Variants in MBTPS1 observed in about 807,000 individuals in gnomAD.
MBTPS1 encodes membrane-bound transcription factor site-1 protease.
Under a neutral mutation model 127.8 loss-of-function variants are expected in MBTPS1, and 94 were observed. The ratio of observed to expected loss-of-function variants is 0.74; its 90% CI spans 0.62 to 0.87. MBTPS1 has a LOEUF of 0.87. Ranked by LOEUF, MBTPS1 falls within the 40% of genes least tolerant of loss-of-function variation. MBTPS1 has a pLI of 0.00. For missense variants in MBTPS1, 1,636 were observed against 1,353.2 expected (o/e 1.21, Z -3.28); for synonymous variants, 632 against 509.4 (o/e 1.24, Z -3.24).
At chr16:84,059,598 T>C (rs1367946982) in intron 20 of MBTPS1, 170 bp from the exon 21 acceptor site, 2 of 548,834 alleles carry the variant, frequency 3.6e-6, no homozygotes, top group East Asian at 6.4e-5. Context: ...GCCTGATTGG[T>C]TCCTCCCGGA....
At chr16:84,094,886 G>C (rs1403979825) in intron 4 of MBTPS1, among the ~76,000 whole-genome samples, 1 of 152,160 alleles carries the variant, frequency 6.6e-6, no homozygotes, top group African/African-American at 2.4e-5. Context: ...AGAGGTAAGG[G>C]TCCCTAAGTC....
At chr16:84,079,298 G>T (rs1291912023) in intron 11 of MBTPS1, among the ~76,000 whole-genome samples, 2 of 152,116 alleles carry the variant, frequency 1.3e-5, no homozygotes, top group Non-Finnish European at 1.5e-5. Flanking sequence ...CCAGTCTCAG[G>T]TATTTTTTTA....
At chr16:84,097,982 C>T (rs1163553317) in intron 3 of MBTPS1, among the ~76,000 whole-genome samples, 1 of 151,512 alleles carries the variant, frequency 6.6e-6, no homozygotes, top group Non-Finnish European at 1.5e-5. Flanking sequence ...AAGAAATGAT[C>T]GTAAATAATA....
intron 9 of MBTPS1, among the ~76,000 whole-genome samples, 184 bp from the exon 10 acceptor site, chr16:84,085,318 A>G (rs2086004607): frequency 6.6e-6 from 1 of 152,146 alleles, no homozygotes; most frequent in South Asian, 2.1e-4. Context: ...TGTAATCCCA[A>G]CACTCTGGGA....
chr16:84,095,671 G>T lies in MBTPS1; in HGVS notation c.556C>A (p.Leu186Met). ...GCAACCTGGCGCGGGATGGCTCTCA[G>T]CAGCCGTCTGCTCGAATGCCTTCCC... ...ATGRHSSRRL[L>M]RAIPRQVAQT... Residue 186 changes from leucine (L) to methionine (M), a missense_variant, in exon 4 of 23, where the codon CTG (leucine) becomes ATG (methionine). Physicochemically the swap from Leu to Met is conservative, Grantham distance 15. Coordinates refer to ENST00000343411, the MANE Select transcript of MBTPS1 (RefSeq NM_003791.4). 1 of 1,614,236 alleles carries T rather than the reference G, an allele frequency of 6.2e-7. No homozygotes were observed. The highest frequency in any genetic ancestry group is 8.5e-7 in the Non-Finnish European group (1 of 1,180,042).
At chr16:84,110,049 T>A (rs891675004) in intron 1 of MBTPS1, among the ~76,000 whole-genome samples, 10 of 152,160 alleles carry the variant, frequency 6.6e-5, no homozygotes, top group African/African-American at 2.2e-4. Flanking sequence ...AAAAATAAGT[T>A]CTTTATTTAC....
At chr16:84,098,328 G>A (rs1298901493) in intron 3 of MBTPS1, among the ~76,000 whole-genome samples, 1 of 152,128 alleles carries the variant, frequency 6.6e-6, no homozygotes, top group Non-Finnish European at 1.5e-5. Context: ...TTTAAAAATC[G>A]GGCTGGGTGC....
chr16:84,056,204 G>T, intron 21 of MBTPS1, 69 bp from the exon 22 acceptor site: 1 of 1,342,462 alleles, frequency 7.4e-7, no homozygotes, highest in Non-Finnish European at 1.0e-6. Context: ...AGTCTAGGAA[G>T]TTCAACTGAA....
chr16:84,065,012 C>T (rs1209471500), intron 18 of MBTPS1, among the ~76,000 whole-genome samples: 1 of 152,006 alleles, frequency 6.6e-6, no homozygotes, highest in African/African-American at 2.4e-5. Flanking sequence ...ATGACAGAAA[C>T]GAATCTTGTA....
Position 84,095,607 on chromosome 16 carries a change from T to A in MBTPS1, c.620A>T (p.Tyr207Phe), listed in dbSNP as rs201670537. 4.7e-4 allele frequency: 764 copies of A among 1,614,064 alleles called. 1 individual carries two copies. The highest frequency in any genetic ancestry group is 3.6e-4 in the Non-Finnish European group (423 of 1,180,034). Residue 207 changes from tyrosine (Y) to phenylalanine (F), a missense_variant, in exon 4 of 23, where the codon TAT becomes TTT. Coordinates refer to ENST00000343411, the MANE Select transcript of MBTPS1 (RefSeq NM_003791.4). ...LQADVLWQMG[Y>F]TGANVRVAVF... is the part of the protein sequence containing the mutation. ...CCCTGGGTAATAGCACACACCTGTA[T>A]ATCCCATCTGCCAGAGCACATCTGC...
intron 1 of MBTPS1, among the ~76,000 whole-genome samples, chr16:84,111,405 G>C (rs988197607): frequency 2.0e-5 from 3 of 152,098 alleles, no homozygotes; most frequent in Non-Finnish European, 2.9e-5. Context: ...CTAGGTAATG[G>C]TGGTGGGTGC....
rs980570580 is a variant in MBTPS1 at position 84,101,874 on chromosome 16, G to A, written c.-91C>T. The A allele has an allele frequency of 2.4e-6, 3 of 1,237,572 alleles. No homozygotes were observed. Among genetic ancestry groups the A allele is most frequent in the Non-Finnish European group, 3.5e-6 (3 of 864,118 alleles). The allele number at this position is 1,237,572 out of a possible 1,614,324, so 76.7% of individuals were successfully genotyped here. A position where few individuals can be genotyped will look rare whatever the true frequency, so the allele number is the denominator to read the frequency against. On this transcript the variant is annotated 5_prime_UTR_variant, in exon 2 of 23. Coordinates refer to ENST00000343411, the MANE Select transcript of MBTPS1 (RefSeq NM_003791.4). ...AAGTGAATTTTTGTTTCAGCTAAAA[G>A]CTGCAACATTACTAATCAGCCATCT...
At chr16:84,116,407 T>C (rs1158165945) in intron 1 of MBTPS1, among the ~76,000 whole-genome samples, 1 of 152,198 alleles carries the variant, frequency 6.6e-6, no homozygotes, top group Non-Finnish European at 1.5e-5. Context: ...ACGCCAGCAC[T>C]GCCCCGGAAG....
chr16:84,056,494 G>A (rs2085524310), intron 21 of MBTPS1: 1 of 185,448 alleles, frequency 5.4e-6, no homozygotes, highest in Admixed American at 5.9e-5. Context: ...CCTGCTGAGT[G>A]GACCTGAGCC....
At chr16:84,083,767 T>G (rs562399897) in intron 10 of MBTPS1, among the ~76,000 whole-genome samples, 1 of 152,388 alleles carries the variant, frequency 6.6e-6, no homozygotes, top group South Asian at 2.1e-4. Flanking sequence ...GAGTTTTGTG[T>G]GTTATCACAA....
chr16:84,065,692 T>C lies in MBTPS1; in HGVS notation c.2429A>G (p.Gln810Arg). 6.2e-7 allele frequency: 1 copy of C among 1,611,800 alleles called. No homozygotes were observed. The highest frequency in any genetic ancestry group is 1.1e-5 in the South Asian group (1 of 90,944). The change falls in exon 18 of 23, where the codon CAA (glutamine) becomes CGA (arginine). Residue 810 changes from glutamine to arginine, a missense_variant and splice_region_variant. Coordinates refer to ENST00000343411, the MANE Select transcript of MBTPS1 (RefSeq NM_003791.4). ...GVVITQTFKD[Q>R]GLEVLKQETA... ...GGCCCATGAATGGCATCCTTTACCT[T>C]GGTCCTTGAAAGTCTGTGTTATCAC...
chr16:84,097,871 T>TG (rs3082452), intron 3 of MBTPS1, among the ~76,000 whole-genome samples: 1,572 of 150,062 alleles, frequency 0.01, 16 homozygotes, highest in African/African-American at 0.024. Context: ...TGTGTGTGTG[T>TG]TTGTGTGTGT....
At position 84,068,468 on chromosome 16, in the gene MBTPS1, G is replaced by C. The variant is rs772789685; in HGVS notation, c.1956-14C>G. 4.0e-5 allele frequency: 61 copies of C among 1,520,426 alleles called. No homozygotes were observed. In the South Asian group the frequency reaches 6.7e-4, roughly 17 times the overall value. 94.2% of individuals were successfully genotyped at this position (1,520,426 alleles called of 1,614,324 possible). A position where few individuals can be genotyped will look rare whatever the true frequency, so the allele number is the denominator to read the frequency against. On this transcript the variant is annotated splice_polypyrimidine_tract_variant and intron_variant, in intron 14 of 22. Coordinates refer to ENST00000343411, the MANE Select transcript of MBTPS1 (RefSeq NM_003791.4). ...TGATCACCATTCCTGAAAAACAATA[G>C]GCCACAGCATTAAAATGATCGATCT...
chr16:84,094,245 A>C (rs2086149844), intron 4 of MBTPS1, among the ~76,000 whole-genome samples: 1 of 151,606 alleles, frequency 6.6e-6, no homozygotes, highest in Admixed American at 6.6e-5. Flanking sequence ...CACAAACCAC[A>C]CACCCAAGGA....
Sources: allele counts gnomAD v4.1 joint callset (sites outside exome capture counted in the v4.1 genomes callset), GRCh38; gene constraint gnomAD v4.1.1; transcripts MANE v1.5; gene names NCBI Gene and HGNC (gene_info 2026-07-23, HGNC 2026-07-21).